Variants in CREBBP observed in about 807,000 individuals in gnomAD.
CREBBP encodes CREB-binding protein.
Under a neutral mutation model 265.0 loss-of-function variants are expected in CREBBP, and 19 were observed. The ratio of observed to expected loss-of-function variants is 0.07; its 90% CI spans 0.05 to 0.11. The LOEUF (loss-of-function observed/expected upper bound fraction) is 0.11. CREBBP is among the 10% of genes least tolerant of loss of function. The pLI is 1.00. For synonymous variants in CREBBP, 1,457 were observed against 1,223.7 expected (o/e 1.19, Z -3.98); for missense variants, 2,525 against 3,219.0 (o/e 0.78, Z 5.22).
intron 2 of CREBBP, among the ~76,000 whole-genome samples, chr16:3,822,136 G>A (rs544219305): frequency 9.2e-5 from 14 of 152,162 alleles, no homozygotes; most frequent in South Asian, 4.2e-4. Flanking sequence ...GGGACAGAGG[G>A]CCTCAATAAG....
intron 16 of CREBBP, among the ~76,000 whole-genome samples, chr16:3,766,417 G>A (rs1398543779): frequency 2.0e-5 from 3 of 151,960 alleles, no homozygotes; most frequent in South Asian, 2.1e-4. Context: ...CCTTAATAAC[G>A]CCACTATTCT....
chr16:3,865,787 C>T (rs527782528), intron 1 of CREBBP, among the ~76,000 whole-genome samples: 46 of 152,126 alleles, frequency 3.0e-4, no homozygotes, highest in African/African-American at 1.0e-3. Context: ...TACAGGTGCA[C>T]GCCATCACAC....
chr16:3,867,757 T>TAA (rs756198312), intron 1 of CREBBP, among the ~76,000 whole-genome samples: 9 of 94,520 alleles, frequency 9.5e-5, no homozygotes, highest in South Asian at 6.6e-4. Flanking sequence ...GTATCTCTAC[T>TAA]AAAAAAAAAA....
chr16:3,736,634 C>T lies in CREBBP; in HGVS notation c.4560+16G>A, dbSNP rs1265983413. ...AGTTGTGACAAAAGCCACCACCTTC[C>T]TTCAGCGCCGGGTACCTTGTAGTCA... On this transcript the variant is annotated intron_variant, in intron 27 of 30. Transcript: ENST00000262367. 1.9e-6 allele frequency: 3 copies of T among 1,614,132 alleles called. No individual in the cohort carries two copies. Among genetic ancestry groups the T allele is most frequent in the East Asian group, 4.5e-5 (2 of 44,900 alleles).
At chr16:3,853,311 T>C (rs1327147216) in intron 1 of CREBBP, among the ~76,000 whole-genome samples, 1 of 152,188 alleles carries the variant, frequency 6.6e-6, no homozygotes, top group Non-Finnish European at 1.5e-5. Context: ...AGCGGCTGTA[T>C]AATACTTTAA....
In CREBBP at chr16:3,728,483, C is replaced by T. The variant is rs73491896; in HGVS notation, c.6564G>A (p.Gln2188=). 567 of 1,614,018 alleles carry T rather than the reference C, an allele frequency of 3.5e-4. No individual in the cohort carries two copies. In the African/African-American group the frequency reaches 6.7e-3, roughly 19 times the overall value. ...GCTGCCTCCGTAACATTTCTCGGTA[C>T]TGTGGATTCATACTCGCCATGTTGG... ...HNPNMASMNP[Q]YREMLRRQLL... The change falls in exon 31 of 31, where the codon CAG becomes CAA. Residue 2188 remains glutamine (Q), a synonymous_variant. Coordinates refer to ENST00000262367, the MANE Select transcript of CREBBP (RefSeq NM_004380.3). The surrounding 1 kb of genome is among the most constrained non-coding windows in gnomAD (Gnocchi z 8.7).
chr16:3,775,169 G>A (rs1473430479), intron 11 of CREBBP, among the ~76,000 whole-genome samples: 2 of 152,200 alleles, frequency 1.3e-5, no homozygotes, highest in East Asian at 3.8e-4. Context: ...CCCATCATCC[G>A]AGGATTCCCA....
intron 2 of CREBBP, among the ~76,000 whole-genome samples, chr16:3,847,692 G>T (rs1178565750): frequency 6.6e-6 from 1 of 152,188 alleles, no homozygotes; most frequent in African/African-American, 2.4e-5. Context: ...AGAGAAGCAT[G>T]AAGTGTTACA....
intron 2 of CREBBP, among the ~76,000 whole-genome samples, chr16:3,831,870 G>A (rs1190661248): frequency 2.0e-5 from 3 of 151,984 alleles, no homozygotes; most frequent in Non-Finnish European, 2.9e-5. Context: ...GGTGGTGTGC[G>A]CCTGTAAGCA....
At chr16:3,847,204 T>G (rs1180501829) in intron 2 of CREBBP, among the ~76,000 whole-genome samples, 1 of 152,224 alleles carries the variant, frequency 6.6e-6, no homozygotes, top group Non-Finnish European at 1.5e-5. Flanking sequence ...AGTAAAACAG[T>G]AAGGTGCTTA....
intron 2 of CREBBP, among the ~76,000 whole-genome samples, chr16:3,846,800 A>G (rs1353858770): frequency 6.6e-6 from 1 of 152,198 alleles, no homozygotes; most frequent in Non-Finnish European, 1.5e-5. Context: ...CTCTATACGC[A>G]TACATCATCA....
chr16:3,852,053 A>T (rs1361038869), intron 1 of CREBBP, among the ~76,000 whole-genome samples: 1 of 137,248 alleles, frequency 7.3e-6, no homozygotes, highest in Non-Finnish European at 1.6e-5. Context: ...AAAAAAAAAA[A>T]AAAAAAAAAA....
At chr16:3,834,423 T>C (rs1228885658) in intron 2 of CREBBP, among the ~76,000 whole-genome samples, 1 of 152,144 alleles carries the variant, frequency 6.6e-6, no homozygotes, top group Non-Finnish European at 1.5e-5. Flanking sequence ...TACATATTAT[T>C]AAATGAATGA....
intron 1 of CREBBP, among the ~76,000 whole-genome samples, chr16:3,877,419 T>C (rs1176248676): frequency 6.6e-6 from 1 of 152,232 alleles, no homozygotes; most frequent in Non-Finnish European, 1.5e-5. Flanking sequence ...TCGTTTCTTT[T>C]GGAGACAGCG....
At chr16:3,817,010 A>G (rs2054049245) in intron 2 of CREBBP, among the ~76,000 whole-genome samples, 1 of 152,166 alleles carries the variant, frequency 6.6e-6, no homozygotes, top group East Asian at 1.9e-4. Flanking sequence ...TATCTTCAAA[A>G]CTTCCAAACA....
intron 1 of CREBBP, among the ~76,000 whole-genome samples, chr16:3,853,889 A>G (rs747067332): frequency 5.9e-5 from 9 of 152,080 alleles, no homozygotes; most frequent in Non-Finnish European, 4.4e-5. Flanking sequence ...GTGAACTGAG[A>G]TATCGCCATT....
chr16:3,828,639 G>A (rs918903877), intron 2 of CREBBP, among the ~76,000 whole-genome samples: 1 of 152,106 alleles, frequency 6.6e-6, no homozygotes, highest in South Asian at 2.1e-4. Context: ...AGAAAATAAG[G>A]TCTTATGTAT....
chr16:3,753,059 C>A (rs894507889), intron 19 of CREBBP, among the ~76,000 whole-genome samples: 2 of 152,142 alleles, frequency 1.3e-5, no homozygotes, highest in Non-Finnish European at 2.9e-5. Context: ...AGCACGAATG[C>A]GGTTTAGTGC....
intron 2 of CREBBP, among the ~76,000 whole-genome samples, chr16:3,814,905 G>T (rs1481004718): frequency 6.6e-6 from 1 of 152,212 alleles, no homozygotes; most frequent in Non-Finnish European, 1.5e-5. Context: ...ATCAGAGAAA[G>T]TTAATAACCA....
Sources: allele counts gnomAD v4.1 joint callset (sites outside exome capture counted in the v4.1 genomes callset), GRCh38; gene constraint gnomAD v4.1.1; non-coding constraint Gnocchi (gnomAD v3.1); transcripts MANE v1.5; gene names NCBI Gene and HGNC (gene_info 2026-07-23, HGNC 2026-07-21).